The following RPS6KA2 variants were observed in gnomAD, a reference collection of about 807,000 sequenced individuals.
RPS6KA2 encodes the protein ribosomal protein S6 kinase alpha-2.
In RPS6KA2, 42 loss-of-function variants were observed where a neutral mutation model predicts 91.8. The observed-to-expected ratio is 0.46, with a 90% CI of 0.36 to 0.59. RPS6KA2 has a LOEUF of 0.59. Among genes scored for constraint, RPS6KA2 ranks in the 20% least tolerant of loss-of-function variants. The pLI is 0.00. For synonymous variants in RPS6KA2, 414 were observed against 393.6 expected, an observed-to-expected ratio of 1.05 and a Z score of -0.61; for missense variants, 798 against 978.5, an observed-to-expected ratio of 0.82 and a Z score of 2.46.
At chr6:166,480,519 TA>T (rs1397009637) in intron 10 of RPS6KA2, among the ~76,000 whole-genome samples, 1 of 112,644 alleles carries the variant, frequency 8.9e-6, no homozygotes, top group Non-Finnish European at 1.7e-5. Flanking sequence ...ATATATAATA[TA>T]TTTTTTTTTT....
chr6:166,546,319 G>A (rs565657066), intron 1 of RPS6KA2, among the ~76,000 whole-genome samples: 2 of 152,230 alleles, frequency 1.3e-5, no homozygotes, highest in East Asian at 3.9e-4. Context: ...TCCGGTCTGG[G>A]CAGTGGGATG....
chr6:166,842,441 G>A (rs1289427494), intron 2 of RPS6KA2, among the ~76,000 whole-genome samples: 1 of 152,182 alleles, frequency 6.6e-6, no homozygotes, highest in Non-Finnish European at 1.5e-5. Flanking sequence ...ACAGGGAGAG[G>A]TTGGGACAAA....
chr6:166,656,221 A>T (rs1206694729), intron 2 of RPS6KA2, among the ~76,000 whole-genome samples: 1 of 152,226 alleles, frequency 6.6e-6, no homozygotes, highest in African/African-American at 2.4e-5. Context: ...TAAAGAAAAC[A>T]AGGAAATCAT....
intron 1 of RPS6KA2, among the ~76,000 whole-genome samples, chr6:166,549,824 G>A (rs1247293014): frequency 2.0e-5 from 3 of 152,158 alleles, no homozygotes; most frequent in Non-Finnish European, 4.4e-5. Context: ...TACGAATAAG[G>A]TCTGTTGATT....
intron 14 of RPS6KA2, among the ~76,000 whole-genome samples, chr6:166,439,244 A>G (rs574095395): frequency 3.3e-4 from 50 of 152,110 alleles, no homozygotes; most frequent in Admixed American, 2.4e-3. Context: ...AGTAGTTCGG[A>G]TTACAGGCAC....
chr6:166,824,939 G>C (rs374077594), intron 2 of RPS6KA2, among the ~76,000 whole-genome samples: 4 of 152,318 alleles, frequency 2.6e-5, no homozygotes, highest in East Asian at 1.9e-4. Flanking sequence ...ATCACATCAG[G>C]ACAGTTGCAG....
At position 166,626,894 on chromosome 6, in the gene RPS6KA2, T is replaced by C; in HGVS notation, c.99+27A>G. ...CACGGCCCGCTCAGTGCCCGGCACC[T>C]GCGCGCCCCGAGGGCGGCCGCATTA... On this transcript the variant is annotated intron_variant, in intron 1 of 20. Transcript: ENST00000265678. This position sits in a 1 kb window ranked among gnomAD's most constrained non-coding sequence, Gnocchi z 4.1. 1 of 1,463,048 alleles carries C rather than the reference T, an allele frequency of 6.8e-7. No individual in the cohort carries two copies. The highest frequency in any genetic ancestry group is 9.1e-7 in the Non-Finnish European group (1 of 1,099,634). 90.6% of individuals were successfully genotyped at this position (1,463,048 alleles called of 1,614,324 possible). A position where few individuals can be genotyped will look rare whatever the true frequency, so the allele number is the denominator to read the frequency against.
intron 2 of RPS6KA2, among the ~76,000 whole-genome samples, chr6:166,745,397 C>T (rs1455824841): frequency 6.6e-6 from 1 of 152,162 alleles, no homozygotes; most frequent in Non-Finnish European, 1.5e-5. Context: ...GGTGATCCAC[C>T]TGCCTTGGCC....
intron 2 of RPS6KA2, among the ~76,000 whole-genome samples, chr6:166,710,088 A>G (rs1231118912): frequency 1.3e-5 from 2 of 152,262 alleles, no homozygotes; most frequent in African/African-American, 4.8e-5. Flanking sequence ...TTCTTAAATT[A>G]TCACACAATG....
intron 1 of RPS6KA2, among the ~76,000 whole-genome samples, chr6:166,614,390 T>C (rs907121768): frequency 2.6e-5 from 4 of 152,166 alleles, no homozygotes; most frequent in African/African-American, 9.7e-5. Flanking sequence ...GACACAGCTG[T>C]GCTGCCCGGC....
chr6:166,763,658 C>T lies in RPS6KA2; in HGVS notation c.123+94542G>A, dbSNP rs552427936. ...AAACCAAAAGTTAATTAAGAAAGAG[C>T]TGTCAATTTCTTTACCTCCTCCCTG... On this transcript the variant is annotated intron_variant, in intron 2 of 21. Coordinates refer to the RPS6KA2 transcript ENST00000503859. Among the ~76,000 whole-genome samples, 5 of 152,342 alleles carry T rather than the reference C, an allele frequency of 3.3e-5. 1 individual carries two copies. Among genetic ancestry groups the T allele is most frequent in the African/African-American group, 1.2e-4 (5 of 41,592 alleles).
chr6:166,762,365 T>A (rs1347329437), intron 2 of RPS6KA2, among the ~76,000 whole-genome samples: 1 of 152,006 alleles, frequency 6.6e-6, no homozygotes, highest in Admixed American at 6.5e-5. Flanking sequence ...GCAGTGTGCG[T>A]GTGTGTGTTT....
chr6:166,576,814 G>C (rs1328576589), intron 1 of RPS6KA2, among the ~76,000 whole-genome samples: 1 of 152,222 alleles, frequency 6.6e-6, no homozygotes, highest in Non-Finnish European at 1.5e-5. Context: ...ATGAGAAGTT[G>C]AATGTTAATC....
At chr6:166,644,226 T>C (rs1353505553) in intron 2 of RPS6KA2, among the ~76,000 whole-genome samples, 2 of 152,100 alleles carry the variant, frequency 1.3e-5, no homozygotes, top group Non-Finnish European at 2.9e-5. Context: ...ATTTTTAGAT[T>C]TGCTAAGGGC....
At chr6:166,832,657 T>TCCATCATAAA (rs1562462575) in intron 2 of RPS6KA2, among the ~76,000 whole-genome samples, 3 of 152,178 alleles carry the variant, frequency 2.0e-5, no homozygotes, top group Non-Finnish European at 4.4e-5. Flanking sequence ...ACAGTTTAAA[T>TCCATCATAAA]GTTAGGAAAT....
chr6:166,707,245 C>T (rs1331682443), intron 2 of RPS6KA2, among the ~76,000 whole-genome samples: 3 of 152,204 alleles, frequency 2.0e-5, no homozygotes, highest in African/African-American at 4.8e-5. Context: ...TGCAGATGGA[C>T]GGCAGCCCGG....
intron 2 of RPS6KA2, among the ~76,000 whole-genome samples, chr6:166,750,561 T>C (rs1042623278): frequency 2.6e-5 from 4 of 152,208 alleles, no homozygotes; most frequent in Non-Finnish European, 5.9e-5. Flanking sequence ...CTCTTCTGAC[T>C]CTGTCACAAC....
At chr6:166,424,366 G>T (rs1453738464) in intron 16 of RPS6KA2, among the ~76,000 whole-genome samples, 2 of 152,220 alleles carry the variant, frequency 1.3e-5, no homozygotes, top group South Asian at 2.1e-4. Context: ...ACACAGAAAA[G>T]ACCCCAGTGT....
Position 166,767,605 on chromosome 6 carries a change from G to A in RPS6KA2, c.123+90595C>T, listed in dbSNP as rs764912858. The stretch of plus-strand genomic sequence containing the variant: ...AAGGGTGAACATTCGGCCAGAATGT[G>A]TTGAGCGTCCACAATGTTCCAGGCT... On this transcript the variant is annotated intron_variant, in intron 2 of 21. Coordinates refer to the RPS6KA2 transcript ENST00000503859. The surrounding 1 kb of genome is among the most constrained non-coding windows in gnomAD (Gnocchi z 4.6). Among the ~76,000 whole-genome samples the A allele has an allele frequency of 9.2e-5, 14 of 152,210 alleles. No individual in the cohort carries two copies. Among genetic ancestry groups the A allele is most frequent in the Non-Finnish European group, 2.1e-4 (14 of 68,044 alleles).
Sources: allele counts gnomAD v4.1 joint callset (sites outside exome capture counted in the v4.1 genomes callset), GRCh38; gene constraint gnomAD v4.1.1; non-coding constraint Gnocchi (gnomAD v3.1); transcripts MANE v1.5; gene names NCBI Gene and HGNC (gene_info 2026-07-23, HGNC 2026-07-21).